Variants in USP28 observed in about 807,000 individuals in gnomAD.
USP28 encodes the protein ubiquitin specific peptidase 28.
USP28 carries 113 observed loss-of-function variants against 145.0 expected under a neutral mutation model. That is an observed-to-expected ratio of 0.78 (90% confidence interval 0.67 to 0.91). The LOEUF (loss-of-function observed/expected upper bound fraction) is 0.91. Among genes scored for constraint, USP28 ranks in the 40% least tolerant of loss-of-function variants. The pLI is 0.00. For missense variants in USP28, 1,201 were observed against 1,289.6 expected (o/e 0.93, Z 1.05); for synonymous variants, 447 against 450.9 (o/e 0.99, Z 0.11).
chr11:113,817,711 T>C (rs1206126695), exon 13 of USP28: 1 of 1,614,232 alleles, frequency 6.2e-7, no homozygotes, highest in Admixed American at 1.7e-5. Context: ...AAAGTGGTAA[T>C]GTCATATGTG....
chr11:113,827,199 C>A (rs772676135), intron 11 of USP28, 34 bp downstream of exon 11: 7 of 1,588,208 alleles, frequency 4.4e-6, no homozygotes, highest in Non-Finnish European at 4.3e-6. Flanking sequence ...TGCTGTAATA[C>A]CTCAGGAAAA....
chr11:113,859,108 C>G (rs567197676), intron 1 of USP28, among the ~76,000 whole-genome samples: 166 of 152,166 alleles, frequency 1.1e-3, no homozygotes, highest in African/African-American at 3.5e-3. Flanking sequence ...AACTGCTGGA[C>G]TCAAAGGATC....
intron 1 of USP28, among the ~76,000 whole-genome samples, chr11:113,863,352 G>T (rs571681365): frequency 6.6e-6 from 1 of 152,190 alleles, no homozygotes; most frequent in East Asian, 1.9e-4. Flanking sequence ...GGGCGCAGTG[G>T]GTCACTGCTG....
intron 1 of USP28, among the ~76,000 whole-genome samples, chr11:113,866,025 C>T (rs1364736418): frequency 2.6e-5 from 4 of 152,198 alleles, no homozygotes; most frequent in African/African-American, 7.2e-5. Context: ...TGGCCGGGCA[C>T]GGTGGCTCAT....
exon 1 of USP28, chr11:113,875,508 GGC>G: frequency 8.6e-7 from 1 of 1,169,320 alleles, no homozygotes; most frequent in Non-Finnish European, 1.1e-6. Context: ...TCATGGCCGA[GGC>G]GCCCAGCCGC....
At chr11:113,827,360 G>T in exon 11 of USP28, 1 of 1,590,562 alleles carries the variant, frequency 6.3e-7, no homozygotes, top group Non-Finnish European at 8.5e-7. Context: ...GTAAACCAAC[G>T]CTAGTGTCAA....
At chr11:113,874,717 T>C (rs942668470) in intron 1 of USP28, 1 of 1,198,024 alleles carries the variant, frequency 8.3e-7, no homozygotes, top group African/African-American at 1.6e-5. Context: ...AGTTTCTTCA[T>C]ACAGACATTA....
At chr11:113,856,585 A>G (rs531836479) in intron 1 of USP28, among the ~76,000 whole-genome samples, 11 of 152,348 alleles carry the variant, frequency 7.2e-5, no homozygotes, top group African/African-American at 2.4e-4. Context: ...TTAACTTTAC[A>G]CAAAGTTACT....
At chr11:113,828,556 T>C (rs1943632990) in intron 10 of USP28, among the ~76,000 whole-genome samples, 1 of 152,186 alleles carries the variant, frequency 6.6e-6, no homozygotes, top group African/African-American at 2.4e-5. Context: ...TGGAATCATA[T>C]ATAAGCCACA....
chr11:113,875,457 GTCTGCC>G (rs1407735294), exon 1 of USP28: 1 of 1,244,922 alleles, frequency 8.0e-7, no homozygotes, highest in Non-Finnish European at 1.0e-6. Flanking sequence ...AGCCGTGGCC[GTCTGCC>G]GCGCCGGCCG....
intron 3 of USP28, among the ~76,000 whole-genome samples, chr11:113,845,415 G>A (rs868655379): frequency 6.7e-5 from 10 of 149,568 alleles, no homozygotes; most frequent in Middle Eastern, 6.9e-3. Context: ...CAACCTGGGC[G>A]AAAGGTAAAG....
chr11:113,869,548 G>A (rs1197967798), intron 1 of USP28, among the ~76,000 whole-genome samples: 1 of 152,096 alleles, frequency 6.6e-6, no homozygotes, highest in African/African-American at 2.4e-5. Context: ...CCTTGACGGT[G>A]TCACCACACT....
chr11:113,852,355 C>A, intron 3 of USP28, 146 bp downstream of exon 3: 1 of 1,149,042 alleles, frequency 8.7e-7, no homozygotes, highest in Non-Finnish European at 1.2e-6. Context: ...TAGAATTGTG[C>A]CTGCCACATA....
At chr11:113,849,800 C>G (rs1346110205) in intron 3 of USP28, among the ~76,000 whole-genome samples, 1 of 152,132 alleles carries the variant, frequency 6.6e-6, no homozygotes, top group Non-Finnish European at 1.5e-5. Context: ...GGTGGCAAGG[C>G]CCTGAACGCT....
chr11:113,833,636 A>G, intron 6 of USP28, 79 bp from the exon 7 acceptor site: 1 of 1,413,854 alleles, frequency 7.1e-7, no homozygotes, highest in South Asian at 1.3e-5. Flanking sequence ...AAAGTTGTCA[A>G]TAATCATGCC....
intron 3 of USP28, among the ~76,000 whole-genome samples, chr11:113,842,412 C>T (rs1233006702): frequency 2.6e-5 from 4 of 151,882 alleles, no homozygotes; most frequent in African/African-American, 4.8e-5. Context: ...GGTGAAACCC[C>T]GTCTCTACTA....
intron 1 of USP28, among the ~76,000 whole-genome samples, chr11:113,854,601 A>G (rs565861871): frequency 1.2e-4 from 18 of 152,112 alleles, no homozygotes; most frequent in African/African-American, 4.3e-4. Flanking sequence ...GGGGTTTCAC[A>G]TTGTTGGTCA....
rs774343936 is a variant in USP28, at chr11:113,817,638, A to C, written c.1463+20T>G. The C allele has an allele frequency of 1.1e-5, 17 of 1,610,936 alleles. No individual in the cohort carries two copies. The highest frequency in any genetic ancestry group is 1.2e-5 in the Non-Finnish European group (14 of 1,178,584). On this transcript the variant is annotated intron_variant, in intron 13 of 24. Coordinates refer to ENST00000003302, the Ensembl canonical transcript of USP28. ...CCAGAAAAACAATACATACCATTAA[A>C]AAAAAAATGTTTTCATTACCTTTCC...
At chr11:113,863,643 CAAA>C (rs71063528) in intron 1 of USP28, among the ~76,000 whole-genome samples, 30 of 124,872 alleles carry the variant, frequency 2.4e-4, no homozygotes, top group Admixed American at 3.3e-4. Flanking sequence ...GACCCTGTCT[CAAA>C]AAAAAAAAAA....
Sources: gnomAD v4.1 joint callset for allele counts (sites outside exome capture counted in the v4.1 genomes callset) on GRCh38, gnomAD v4.1.1 for gene constraint, MANE v1.5 for transcripts, NCBI Gene and HGNC (gene_info 2026-07-23, HGNC 2026-07-21) for gene names.